The following CCDC91 variants were observed in gnomAD, a reference collection of about 807,000 sequenced individuals.
The protein encoded by CCDC91 is coiled-coil domain containing 91, also known as coiled-coil domain-containing protein 91.
In CCDC91, 48 loss-of-function variants were observed where a neutral mutation model predicts 63.2. That is an observed-to-expected ratio of 0.76 (90% CI 0.60 to 0.97). CCDC91 has a LOEUF of 0.97. CCDC91 is among the 50% of genes least tolerant of loss of function. CCDC91 has a pLI of 0.00. For synonymous variants in CCDC91, 167 were observed against 165.8 expected (o/e 1.01, Z -0.06); for missense variants, 500 against 494.6 (o/e 1.01, Z -0.10).
chr12:28,327,346 T>C (rs1941108681), intron 6 of CCDC91, among the ~76,000 whole-genome samples: 1 of 152,142 alleles, frequency 6.6e-6, no homozygotes, highest in Admixed American at 6.6e-5. Flanking sequence ...GGGCTATGCA[T>C]GTTCAACATG....
chr12:28,528,550 G>A (rs189216129), intron 12 of CCDC91, among the ~76,000 whole-genome samples: 46 of 152,184 alleles, frequency 3.0e-4, no homozygotes, highest in African/African-American at 1.1e-3. Flanking sequence ...CTTTCCTAAC[G>A]TTTTCTTGCA....
chr12:28,429,764 C>A (rs1288254837), intron 8 of CCDC91, among the ~76,000 whole-genome samples: 2 of 151,990 alleles, frequency 1.3e-5, no homozygotes, highest in East Asian at 1.9e-4. Context: ...AAGTAAGATG[C>A]ACACATTGTA....
intron 6 of CCDC91, among the ~76,000 whole-genome samples, chr12:28,339,413 G>A (rs1308949077): frequency 6.6e-6 from 1 of 151,926 alleles, no homozygotes; most frequent in Non-Finnish European, 1.5e-5. Flanking sequence ...GGGGTTTGGG[G>A]CTGGCATACT....
chr12:28,377,507 C>T (rs1306597003), intron 7 of CCDC91, among the ~76,000 whole-genome samples: 4 of 151,746 alleles, frequency 2.6e-5, no homozygotes, highest in African/African-American at 7.2e-5. Flanking sequence ...GATTTAAAGG[C>T]GTATTTATGT....
chr12:28,359,438 AT>A (rs1390032105), intron 6 of CCDC91, among the ~76,000 whole-genome samples: 1 of 152,128 alleles, frequency 6.6e-6, no homozygotes, highest in Non-Finnish European at 1.5e-5. Context: ...AGATTGTCGA[AT>A]TTTTTTGGTA....
chr12:28,217,066 T>C (rs1040928646), intron 1 of CCDC91, among the ~76,000 whole-genome samples: 16 of 152,128 alleles, frequency 1.1e-4, no homozygotes, highest in African/African-American at 3.9e-4. Flanking sequence ...ACTGCTTCCC[T>C]GTTACCCATA....
chr12:28,395,952 G>A (rs911974510), intron 8 of CCDC91, among the ~76,000 whole-genome samples: 2 of 152,176 alleles, frequency 1.3e-5, no homozygotes, highest in Admixed American at 6.5e-5. Context: ...TGTATGACAT[G>A]GCACTCGGCT....
At chr12:28,272,046 T>C (rs1947806599) in intron 3 of CCDC91, among the ~76,000 whole-genome samples, 2 of 151,850 alleles carry the variant, frequency 1.3e-5, no homozygotes, top group Non-Finnish European at 2.9e-5. Context: ...CTGCACAACG[T>C]AGATATTACT....
intron 12 of CCDC91, among the ~76,000 whole-genome samples, chr12:28,546,009 A>G (rs1199431698): frequency 6.6e-6 from 1 of 152,092 alleles, no homozygotes; most frequent in African/African-American, 2.4e-5. Context: ...CGATTTGTGA[A>G]GGATTTTGAA....
intron 3 of CCDC91, among the ~76,000 whole-genome samples, chr12:28,267,141 T>A (rs1385522650): frequency 6.6e-6 from 1 of 151,656 alleles, no homozygotes; most frequent in African/African-American, 2.4e-5. Flanking sequence ...ATTTTTCTTT[T>A]ATCTTAGTTC....
In CCDC91 at chr12:28,539,762, G is replaced by A. The variant is rs913532842; in HGVS notation, c.1216-9301G>A. Among the ~76,000 whole-genome samples the A allele has an allele frequency of 7.9e-5, 12 of 152,156 alleles. No individual in the cohort carries two copies. The South Asian group carries it at 2.3e-3, about 29-fold the overall frequency. On this transcript the variant is annotated intron_variant, in intron 12 of 12. Transcript: ENST00000536442. ...AGGCAGCAGTGATTTTAAGAGTACCGACAAGGAGGGCGTTTTCCTGCTTGG... is the reference window on the plus strand; with the variant it reads ...AGGCAGCAGTGATTTTAAGAGTACCAACAAGGAGGGCGTTTTCCTGCTTGG...
chr12:28,469,683 A>G (rs1187360753), intron 11 of CCDC91, among the ~76,000 whole-genome samples: 3 of 152,172 alleles, frequency 2.0e-5, no homozygotes, highest in African/African-American at 7.2e-5. Context: ...CCTGATTTCA[A>G]ATTGTATTCC....
At chr12:28,394,980 G>A (rs904999020) in intron 8 of CCDC91, among the ~76,000 whole-genome samples, 2 of 152,116 alleles carry the variant, frequency 1.3e-5, no homozygotes, top group African/African-American at 4.8e-5. Context: ...GACATATTCT[G>A]GGTGTTTATT....
At chr12:28,388,647 G>A (rs1036356588) in intron 7 of CCDC91, among the ~76,000 whole-genome samples, 1 of 152,172 alleles carries the variant, frequency 6.6e-6, no homozygotes, top group African/African-American at 2.4e-5. Context: ...TCGTGGAAGG[G>A]TAGAATCAAT....
intron 1 of CCDC91, among the ~76,000 whole-genome samples, chr12:28,244,494 CTTTTTTTTT>C (rs3064681): frequency 2.9e-4 from 11 of 38,424 alleles, no homozygotes; most frequent in East Asian, 2.6e-3. Context: ...TAGAAGAAGG[CTTTTTTTTT>C]TTTTTTTTTT....
intron 11 of CCDC91, among the ~76,000 whole-genome samples, chr12:28,468,686 C>G (rs772348880): frequency 2.0e-5 from 3 of 151,766 alleles, no homozygotes; most frequent in African/African-American, 4.8e-5. Context: ...TGCAAAAATC[C>G]TAAACAAAAT....
intron 1 of CCDC91, among the ~76,000 whole-genome samples, chr12:28,206,764 G>A (rs573103296): frequency 6.6e-6 from 1 of 152,322 alleles, no homozygotes; most frequent in South Asian, 2.1e-4. Context: ...TTTAAAGTCT[G>A]TTGTGTAACC....
At chr12:28,226,899 TC>T (rs1282486882) in intron 1 of CCDC91, among the ~76,000 whole-genome samples, 4 of 152,148 alleles carry the variant, frequency 2.6e-5, no homozygotes, top group African/African-American at 9.6e-5. Flanking sequence ...TGTGGTGGTT[TC>T]TTAAACTTTA....
At position 28,453,494 on chromosome 12, in the gene CCDC91, A is replaced by G. The variant is rs371972687; in HGVS notation, c.1101+840A>G. Among the ~76,000 whole-genome samples, 122 of 152,146 alleles carry G rather than the reference A, an allele frequency of 8.0e-4. No homozygotes were observed. In the South Asian group the frequency reaches 0.012, roughly 15 times the overall value. ...ATCTTAATGAAGCCGTAAAAAGCTC[A>G]AAGTTTTTAATATCCAAGATAAAAG... is the stretch of plus-strand genomic sequence containing the variant. On this transcript the variant is annotated intron_variant, in intron 11 of 12. Coordinates refer to ENST00000536442, the MANE Select transcript of CCDC91 (RefSeq NM_018318.5).
Sources: gnomAD v4.1 joint callset for allele counts (sites outside exome capture counted in the v4.1 genomes callset) on GRCh38, gnomAD v4.1.1 for gene constraint, MANE v1.5 for transcripts, NCBI Gene and HGNC (gene_info 2026-07-23, HGNC 2026-07-21) for gene names.